Variants in PTPRN2 observed in about 807,000 individuals in gnomAD.
PTPRN2 encodes protein tyrosine phosphatase receptor type N2, also known as receptor-type tyrosine-protein phosphatase N2.
PTPRN2 carries 74 observed loss-of-function variants against 118.8 expected under a neutral mutation model. The ratio of observed to expected loss-of-function variants is 0.62; its 90% CI spans 0.52 to 0.76. The LOEUF (loss-of-function observed/expected upper bound fraction) is 0.76, where lower values mean the gene tolerates loss of function less well. Ranked by LOEUF, PTPRN2 falls within the 30% of genes least tolerant of loss-of-function variation. The pLI is 0.00. For missense variants in PTPRN2, 1,481 were observed against 1,394.4 expected, an observed-to-expected ratio of 1.06 and a Z score of -0.99; for synonymous variants, 641 against 608.0, an observed-to-expected ratio of 1.05 and a Z score of -0.80.
At chr7:158,153,938 G>A (rs1381887559) in intron 6 of PTPRN2, among the ~76,000 whole-genome samples, 1 of 152,032 alleles carries the variant, frequency 6.6e-6, no homozygotes, top group African/African-American at 2.4e-5. Context: ...CCAACAGACT[G>A]GACATGGGGG....
Position 157,565,916 on chromosome 7 carries a change from A to G in PTPRN2, c.2902+2986T>C, listed in dbSNP as rs537506274. On this transcript the variant is annotated intron_variant, in intron 21 of 22. Transcript: ENST00000389418. ...AATGACACGTGTAAGCGCTTCCCAG[A>G]TTGGTGCCTACTTTCCTGCCACAAA... is the stretch of plus-strand genomic sequence containing the variant. Among the ~76,000 whole-genome samples the G allele has an allele frequency of 5.3e-5, 8 of 152,310 alleles. No homozygotes were observed. The East Asian group carries it at 1.5e-3, about 29-fold the overall frequency.
chr7:157,976,981 C>T (rs900119800), intron 11 of PTPRN2, among the ~76,000 whole-genome samples: 43 of 151,620 alleles, frequency 2.8e-4, no homozygotes, highest in Admixed American at 5.9e-4. Flanking sequence ...TGCCAGGAAT[C>T]GTTATAGATT....
At chr7:158,451,676 G>A (rs893558721) in intron 2 of PTPRN2, among the ~76,000 whole-genome samples, 7 of 152,102 alleles carry the variant, frequency 4.6e-5, no homozygotes, top group Admixed American at 2.0e-4. Context: ...TAGAACGCTC[G>A]CGGTTTTTTC....
Position 158,517,517 on chromosome 7 carries a change from C to T in PTPRN2, c.113-27732G>A, listed in dbSNP as rs1007253517. Among the ~76,000 whole-genome samples the T allele has an allele frequency of 1.3e-5, 2 of 152,146 alleles. No individual in the cohort carries two copies. The highest frequency in any genetic ancestry group is 2.4e-5 in the African/African-American group (1 of 41,434). On this transcript the variant is annotated intron_variant, in intron 1 of 22. Transcript: ENST00000389418. This position sits in a 1 kb window ranked among gnomAD's most constrained non-coding sequence, Gnocchi z 5.3. Reference sequence around the variant, plus strand: ...CCCCACCGCCCCCCAGCCTGAGCCCCGTTCCACCTCCTCACTGGCCTCGCT... The same window carrying T: ...CCCCACCGCCCCCCAGCCTGAGCCCTGTTCCACCTCCTCACTGGCCTCGCT...
chr7:157,728,515 C>G (rs2150933540), intron 12 of PTPRN2, among the ~76,000 whole-genome samples: 1 of 152,266 alleles, frequency 6.6e-6, no homozygotes, highest in Admixed American at 6.5e-5. Context: ...CTTTAAAGTT[C>G]AAGGATAACT....
At chr7:158,585,179 AAGAAAGC>A (rs1321715833) in intron 1 of PTPRN2, among the ~76,000 whole-genome samples, 23 of 152,342 alleles carry the variant, frequency 1.5e-4, no homozygotes, top group African/African-American at 5.5e-4. Context: ...CGGCACAGGT[AAGAAAGC>A]TTCTCCTTGC....
chr7:157,738,335 G>A (rs1300008867), intron 12 of PTPRN2, among the ~76,000 whole-genome samples: 2 of 152,174 alleles, frequency 1.3e-5, no homozygotes, highest in African/African-American at 2.4e-5. Context: ...CTGGGGAGCG[G>A]GATTGAGAGC....
At chr7:158,332,820 C>G (rs11769644) in intron 2 of PTPRN2, among the ~76,000 whole-genome samples, 20,345 of 115,478 alleles carry the variant, frequency 0.18, 1 homozygote, top group Middle Eastern at 0.21. Flanking sequence ...CACGTACACA[C>G]TTCTCACCAT....
In PTPRN2 at chr7:158,502,947, G is replaced by A. The variant is rs111407718; in HGVS notation, c.113-13162C>T. Reference sequence around the variant, plus strand: ...AACTACTGTGTCCATCAGCCACTGTGTCCATCAACTACTGTGTCCATCAGC... The same window carrying A: ...AACTACTGTGTCCATCAGCCACTGTATCCATCAACTACTGTGTCCATCAGC... On this transcript the variant is annotated intron_variant, in intron 1 of 22. Transcript: ENST00000389418. Among the ~76,000 whole-genome samples the A allele has an allele frequency of 1.4e-4, 20 of 146,752 alleles. No homozygotes were observed. The South Asian group carries it at 2.0e-3, about 15-fold the overall frequency.
intron 11 of PTPRN2, among the ~76,000 whole-genome samples, chr7:157,918,370 A>G (rs559384903): frequency 1.3e-5 from 2 of 152,352 alleles, no homozygotes; most frequent in South Asian, 4.1e-4. Context: ...CCAAACTATA[A>G]CATCATCCAC....
intron 22 of PTPRN2, among the ~76,000 whole-genome samples, chr7:157,541,433 C>T (rs905114429): frequency 3.3e-5 from 5 of 152,264 alleles, no homozygotes; most frequent in African/African-American, 1.2e-4. Flanking sequence ...GGACAGCCTG[C>T]CGAGAGCATC....
At position 157,671,684 on chromosome 7, in the gene PTPRN2, C is replaced by T. The variant is rs1307648019; in HGVS notation, c.2001+11041G>A. Among the ~76,000 whole-genome samples the T allele has an allele frequency of 6.6e-6, 1 of 152,160 alleles. No homozygotes were observed. The highest frequency in any genetic ancestry group is 1.5e-5 in the Non-Finnish European group (1 of 68,042). Reference sequence around the variant, plus strand: ...GGCATGCGGGCTGGGGGCGGAGCGGCTACTGGAGCAGCTGCTTCTCCATTT... The same window carrying T: ...GGCATGCGGGCTGGGGGCGGAGCGGTTACTGGAGCAGCTGCTTCTCCATTT... On this transcript the variant is annotated intron_variant, in intron 13 of 22. Transcript: ENST00000389418. The surrounding 1 kb of genome is among the most constrained non-coding windows in gnomAD (Gnocchi z 4.1).
chr7:158,131,083 A>C (rs1379529515), intron 9 of PTPRN2, among the ~76,000 whole-genome samples: 1 of 144,030 alleles, frequency 6.9e-6, no homozygotes. Flanking sequence ...ACTTATACAC[A>C]CACGCACATA....
At chr7:158,289,407 G>A (rs922875810) in intron 3 of PTPRN2, among the ~76,000 whole-genome samples, 3 of 152,110 alleles carry the variant, frequency 2.0e-5, no homozygotes, top group Admixed American at 2.0e-4. Context: ...CTGTCTTTAA[G>A]TTCACGGATT....
intron 2 of PTPRN2, among the ~76,000 whole-genome samples, chr7:158,370,835 T>C (rs1809933339): frequency 6.6e-6 from 1 of 152,076 alleles, no homozygotes; most frequent in Non-Finnish European, 1.5e-5. Flanking sequence ...AAAAGTGGAA[T>C]ACAAAAAAAC....
chr7:157,962,588 C>A (rs937457512), intron 11 of PTPRN2, among the ~76,000 whole-genome samples: 2 of 152,184 alleles, frequency 1.3e-5, no homozygotes, highest in South Asian at 2.1e-4. Flanking sequence ...AGACCCCAGG[C>A]CTTTTATTGG....
Position 158,073,043 on chromosome 7 carries a change from A to G in PTPRN2, c.1723+8255T>C, listed in dbSNP as rs73171568. 4.2e-3 allele frequency among the ~76,000 whole-genome samples: 641 copies of G among 152,108 alleles called. 6 individuals carry two copies. Among genetic ancestry groups the G allele is most frequent in the African/African-American group, 0.014 (590 of 41,450 alleles). On this transcript the variant is annotated intron_variant, in intron 11 of 22. Coordinates refer to ENST00000389418, the MANE Select transcript of PTPRN2 (RefSeq NM_002847.5). ...GACTCCTGGGCCGACCACCAGGGAC[A>G]GAGGGCAGTGGCTCGGCTGTAGCTG...
intron 9 of PTPRN2, among the ~76,000 whole-genome samples, chr7:158,119,897 T>C (rs955970198): frequency 3.3e-5 from 5 of 152,150 alleles, no homozygotes; most frequent in Admixed American, 2.0e-4. Context: ...GAGATGTTAG[T>C]GCCTCACATT....
intron 1 of PTPRN2, among the ~76,000 whole-genome samples, chr7:158,581,451 T>C (rs1828622882): frequency 6.6e-6 from 1 of 152,132 alleles, no homozygotes; most frequent in Non-Finnish European, 1.5e-5. Context: ...GAATGATCCG[T>C]ACACTGACAG....
Sources: gnomAD v4.1 joint callset for allele counts (sites outside exome capture counted in the v4.1 genomes callset) on GRCh38, gnomAD v4.1.1 for gene constraint, Gnocchi (gnomAD v3.1) non-coding constraint, MANE v1.5 for transcripts, NCBI Gene and HGNC (gene_info 2026-07-23, HGNC 2026-07-21) for gene names.